ADGRL3: variants seen among roughly 807,000 people sequenced by gnomAD.
ADGRL3 encodes adhesion G protein-coupled receptor L3, also known as calcium-independent alpha-latrotoxin receptor 3.
Under a neutral mutation model 153.5 loss-of-function variants are expected in ADGRL3, and 62 were observed. The ratio of observed to expected loss-of-function variants is 0.40; its 90% CI spans 0.33 to 0.50. The LOEUF (loss-of-function observed/expected upper bound fraction) is 0.50, where lower values mean the gene tolerates loss of function less well. ADGRL3 is among the 20% of genes least tolerant of loss of function. ADGRL3 has a pLI of 0.47. For missense variants in ADGRL3, 1,641 were observed against 1,859.4 expected (o/e 0.88, Z 2.16); for synonymous variants, 710 against 672.5 (o/e 1.06, Z -0.86).
chr4:61,531,932 G>A (rs948783395), intron 4 of ADGRL3, among the ~76,000 whole-genome samples: 1 of 152,158 alleles, frequency 6.6e-6, no homozygotes, highest in Non-Finnish European at 1.5e-5. Context: ...TACAATGTCT[G>A]TGTTTCAAAT....
intron 8 of ADGRL3, among the ~76,000 whole-genome samples, chr4:61,746,065 C>G (rs1230042898): frequency 6.6e-6 from 1 of 152,132 alleles, no homozygotes; most frequent in Non-Finnish European, 1.5e-5. Flanking sequence ...ATCCTAGTCT[C>G]TGATAAAACA....
intron 4 of ADGRL3, among the ~76,000 whole-genome samples, chr4:61,576,829 G>C (rs2098887780): frequency 6.6e-6 from 1 of 151,622 alleles, no homozygotes; most frequent in Admixed American, 6.6e-5. Context: ...TGGTCACACT[G>C]TTTATGGTTA....
intron 1 of ADGRL3, among the ~76,000 whole-genome samples, chr4:61,291,258 C>T (rs1053391014): frequency 5.3e-5 from 8 of 149,930 alleles, no homozygotes; most frequent in Admixed American, 2.7e-4. Flanking sequence ...ATTCCACATT[C>T]ATGAATTCAA....
At chr4:61,743,872 G>A (rs969395233) in intron 8 of ADGRL3, among the ~76,000 whole-genome samples, 8 of 152,164 alleles carry the variant, frequency 5.3e-5, no homozygotes, top group Non-Finnish European at 8.8e-5. Flanking sequence ...AGGACAGTGG[G>A]TGCAGCACAC....
intron 1 of ADGRL3, among the ~76,000 whole-genome samples, chr4:61,311,411 A>G (rs2095001493): frequency 6.6e-6 from 1 of 152,182 alleles, no homozygotes; most frequent in Non-Finnish European, 1.5e-5. Flanking sequence ...AAACTCAGTC[A>G]TGTCATTTGC....
At chr4:61,564,193 C>T (rs1320333140) in intron 4 of ADGRL3, among the ~76,000 whole-genome samples, 3 of 151,750 alleles carry the variant, frequency 2.0e-5, no homozygotes, top group Non-Finnish European at 4.4e-5. Context: ...TTTATCCAGA[C>T]CGTTGAAACT....
At chr4:61,424,529 G>A (rs574344320) in intron 2 of ADGRL3, among the ~76,000 whole-genome samples, 1 of 152,242 alleles carries the variant, frequency 6.6e-6, no homozygotes, top group South Asian at 2.1e-4. Flanking sequence ...TCTCTGTGGG[G>A]GGTCATTAGT....
chr4:61,240,649 GAA>G (rs1214523040), intron 1 of ADGRL3, among the ~76,000 whole-genome samples: 3 of 152,002 alleles, frequency 2.0e-5, no homozygotes, highest in African/African-American at 7.2e-5. Context: ...CAAATTTTAA[GAA>G]AGTTCAATGG....
intron 17 of ADGRL3, among the ~76,000 whole-genome samples, chr4:61,975,369 A>T (rs557854702): frequency 6.9e-4 from 105 of 152,276 alleles, no homozygotes; most frequent in African/African-American, 2.2e-3. Flanking sequence ...GGAGCATCAG[A>T]TGCAAAGACC....
chr4:61,397,619 A>G (rs2096883296), intron 2 of ADGRL3, among the ~76,000 whole-genome samples: 1 of 151,852 alleles, frequency 6.6e-6, no homozygotes, highest in Non-Finnish European at 1.5e-5. Context: ...TATTCCTAAG[A>G]TTCTGGGTGA....
intron 11 of ADGRL3, among the ~76,000 whole-genome samples, chr4:61,909,235 C>T (rs2098710621): frequency 6.6e-6 from 1 of 152,140 alleles, no homozygotes; most frequent in African/African-American, 2.4e-5. Flanking sequence ...ACACACGCAA[C>T]TAAGTCCACT....
In ADGRL3 at chr4:61,688,088, A is replaced by G. The variant is rs2095477808; in HGVS notation, c.583+11153A>G. ...TCAAAGACTGGGAAAGGAACTCCAT[A>G]CTATTTGGTTCTTCATACTATATAT... On this transcript the variant is annotated intron_variant, in intron 6 of 26. Transcript: ENST00000683033. Among the ~76,000 whole-genome samples the G allele has an allele frequency of 2.0e-5, 3 of 152,004 alleles. 1 individual carries two copies. The highest frequency in any genetic ancestry group is 4.1e-4 in the South Asian group (2 of 4,828).
At chr4:61,766,365 A>C (rs1226250776) in intron 8 of ADGRL3, among the ~76,000 whole-genome samples, 2 of 152,142 alleles carry the variant, frequency 1.3e-5, no homozygotes, top group Non-Finnish European at 2.9e-5. Context: ...TAAAAGTATT[A>C]ATGCAGCGGC....
intron 5 of ADGRL3, among the ~76,000 whole-genome samples, chr4:61,618,299 G>A (rs750851081): frequency 1.3e-5 from 2 of 152,194 alleles, no homozygotes; most frequent in Non-Finnish European, 2.9e-5. Context: ...TATCGTTAAT[G>A]CTTGTTTCAA....
intron 1 of ADGRL3, among the ~76,000 whole-genome samples, chr4:61,246,710 A>G (rs1321542378): frequency 6.6e-6 from 1 of 151,714 alleles, no homozygotes; most frequent in East Asian, 1.9e-4. Context: ...CCCTTTTCCT[A>G]TATATTAACC....
intron 5 of ADGRL3, among the ~76,000 whole-genome samples, chr4:61,596,425 T>C (rs76855981): frequency 0.014 from 2,155 of 152,310 alleles, 52 homozygotes; most frequent in African/African-American, 0.048. Context: ...AGTGTATTTT[T>C]ACTTGTGCCA....
intron 8 of ADGRL3, among the ~76,000 whole-genome samples, chr4:61,779,097 G>T (rs2097185032): frequency 6.6e-6 from 1 of 151,770 alleles, no homozygotes; most frequent in African/African-American, 2.4e-5. Flanking sequence ...ATATTAGAAT[G>T]TTTTACTACA....
chr4:61,946,552 A>G (rs2098925406), intron 15 of ADGRL3, among the ~76,000 whole-genome samples: 1 of 152,120 alleles, frequency 6.6e-6, no homozygotes, highest in African/African-American at 2.4e-5. Flanking sequence ...ATTTTATGAT[A>G]AATGTTTTGG....
chr4:61,618,153 A>G (rs1240636069), intron 5 of ADGRL3, among the ~76,000 whole-genome samples: 6 of 152,170 alleles, frequency 3.9e-5, no homozygotes, highest in Non-Finnish European at 5.9e-5. Flanking sequence ...AAACCAAGGG[A>G]GAGTTTTCTG....
Sources: allele counts gnomAD v4.1 joint callset (sites outside exome capture counted in the v4.1 genomes callset), GRCh38; gene constraint gnomAD v4.1.1; transcripts MANE v1.5; gene names NCBI Gene and HGNC (gene_info 2026-07-23, HGNC 2026-07-21).